The following ASB15 variants were observed in gnomAD, a reference collection of about 807,000 sequenced individuals.
The protein encoded by ASB15 is ankyrin repeat and SOCS box protein 15.
In ASB15, 54 loss-of-function variants were observed where a neutral mutation model predicts 58.0. The ratio of observed to expected loss-of-function variants is 0.93; its 90% CI spans 0.75 to 1.17. ASB15 has a LOEUF of 1.17. Ranked by LOEUF, ASB15 falls within the 50% of genes most tolerant of loss-of-function variation. ASB15 has a pLI of 0.00. For missense variants in ASB15, 680 were observed against 707.4 expected (o/e 0.96, Z 0.44); for synonymous variants, 249 against 262.4 (o/e 0.95, Z 0.50).
At chr7:123,635,184 T>C (rs1802353516) in intron 11 of ASB15, among the ~76,000 whole-genome samples, 1 of 152,332 alleles carries the variant, frequency 6.6e-6, no homozygotes, top group Non-Finnish European at 1.5e-5. Flanking sequence ...CCATTCAGAA[T>C]AGTAGTTATT....
chr7:123,585,545 G>T (rs944598004), intron 1 of ASB15, among the ~76,000 whole-genome samples: 95 of 151,778 alleles, frequency 6.3e-4, no homozygotes, highest in African/African-American at 2.2e-3. Flanking sequence ...ACATAATGCT[G>T]CAATGTGATT....
chr7:123,613,101 T>C (rs1273285367), intron 3 of ASB15, among the ~76,000 whole-genome samples: 3 of 152,026 alleles, frequency 2.0e-5, no homozygotes, highest in Non-Finnish European at 4.4e-5. Context: ...TGAGGTGATA[T>C]TAAGGCCACT....
intron 3 of ASB15, among the ~76,000 whole-genome samples, chr7:123,612,784 T>G (rs528325689): frequency 2.9e-4 from 44 of 152,302 alleles, no homozygotes; most frequent in African/African-American, 1.1e-3. Flanking sequence ...ATTAATTCAT[T>G]AATTCATTTA....
chr7:123,629,465 G>A (rs371037323), intron 10 of ASB15, 31 bp downstream of exon 10: 4 of 1,484,524 alleles, frequency 2.7e-6, no homozygotes. Context: ...TTTATATTGA[G>A]TTATCATCCT....
At chr7:123,567,810 C>T (rs1325067992) in intron 1 of ASB15, among the ~76,000 whole-genome samples, 1 of 151,574 alleles carries the variant, frequency 6.6e-6, no homozygotes, top group Non-Finnish European at 1.5e-5. Context: ...CTCTCTCAAC[C>T]TTGGAAAGAA....
At chr7:123,604,314 G>C (rs1800029505) in intron 2 of ASB15, 102 bp downstream of exon 2, 1 of 152,200 alleles carries the variant, frequency 6.6e-6, no homozygotes, top group South Asian at 2.1e-4. Flanking sequence ...GGGTGCCATA[G>C]CTCATGCCTA....
At chr7:123,633,595 G>A (rs920257612) in intron 11 of ASB15, among the ~76,000 whole-genome samples, 3 of 151,292 alleles carry the variant, frequency 2.0e-5, no homozygotes, top group Non-Finnish European at 2.9e-5. Flanking sequence ...AAGCATCTGT[G>A]TGCATGTGGA....
intron 3 of ASB15, among the ~76,000 whole-genome samples, chr7:123,609,669 G>C (rs1438362804): frequency 1.3e-5 from 2 of 152,168 alleles, no homozygotes; most frequent in African/African-American, 4.8e-5. Context: ...CAATACATGA[G>C]GAAGAAAGTT....
chr7:123,596,960 A>G (rs557934980), upstream of ASB15, among the ~76,000 whole-genome samples: 2 of 152,334 alleles, frequency 1.3e-5, no homozygotes, highest in South Asian at 4.1e-4. Context: ...AGGTACTAAG[A>G]ATAGTGACAA....
intron 2 of ASB15, among the ~76,000 whole-genome samples, chr7:123,606,711 C>T (rs1190824671): frequency 1.3e-5 from 2 of 152,122 alleles, no homozygotes; most frequent in Non-Finnish European, 2.9e-5. Context: ...CAATATTTGT[C>T]TCTCTGTACC....
chr7:123,627,104 T>C lies in ASB15; in HGVS notation c.698-6T>C, dbSNP rs1240096692. On this transcript the variant is annotated splice_region_variant and splice_polypyrimidine_tract_variant and intron_variant, in intron 8 of 11. Coordinates refer to ENST00000451215, the MANE Select transcript of ASB15 (RefSeq NM_001290258.2). The stretch of plus-strand genomic sequence containing the variant: ...GTTATCATTATGCCACGTTTTATAC[T>C]GCCAGGTGGTGATGTGCTTGCTTTG... 2 of 1,610,522 alleles carry C rather than the reference T, an allele frequency of 1.2e-6. No homozygotes were observed. Among genetic ancestry groups the C allele is most frequent in the South Asian group, 2.2e-5 (2 of 90,682 alleles).
chr7:123,636,689 C>A, intron 11 of ASB15, 120 bp from the exon 12 acceptor site: 1 of 792,792 alleles, frequency 1.3e-6, no homozygotes, highest in Non-Finnish European at 2.0e-6. Flanking sequence ...TCACCAGTTG[C>A]TAAAGTGTGC....
At chr7:123,586,820 G>A (rs992867523) in intron 1 of ASB15, among the ~76,000 whole-genome samples, 13 of 151,556 alleles carry the variant, frequency 8.6e-5, no homozygotes, top group African/African-American at 3.1e-4. Flanking sequence ...TTTCCTCATT[G>A]TGTATTTTTT....
intron 10 of ASB15, 95 bp downstream of exon 10, chr7:123,629,529 T>C (rs1374020825): frequency 1.7e-6 from 2 of 1,162,448 alleles, no homozygotes; most frequent in African/African-American, 3.1e-5. Context: ...AAAAATAAAC[T>C]CTAATTTTTC....
intron 11 of ASB15, among the ~76,000 whole-genome samples, chr7:123,631,569 G>T (rs767478317): frequency 3.9e-5 from 6 of 151,972 alleles, no homozygotes; most frequent in Admixed American, 6.6e-5. Flanking sequence ...ACTTAAGCCC[G>T]CATTGAGAGT....
intron 2 of ASB15, among the ~76,000 whole-genome samples, chr7:123,605,923 C>A (rs1329599233): frequency 6.6e-6 from 1 of 152,128 alleles, no homozygotes; most frequent in Non-Finnish European, 1.5e-5. Flanking sequence ...TGATAAAATA[C>A]TCTGTACACC....
Position 123,620,499 on chromosome 7 carries a change from TATAC to T in ASB15, c.451+2770_451+2773del, listed in dbSNP as rs58566290. On this transcript the variant is annotated intron_variant, in intron 7 of 11. Coordinates refer to ENST00000451215, the MANE Select transcript of ASB15 (RefSeq NM_001290258.2). ...GATTCACCACTAGTAATGTGACACATATACATACATATATATATATATATATATA... is the reference window on the plus strand; with the variant it reads ...GATTCACCACTAGTAATGTGACACATATACATATATATATATATATATATA... 7.0e-3 allele frequency among the ~76,000 whole-genome samples: 478 copies of T among 68,746 alleles called. 20 individuals are homozygous for T. Among genetic ancestry groups the T allele is most frequent in the African/African-American group, 0.012 (172 of 14,390 alleles). 45.1% of individuals were successfully genotyped at this position (68,746 alleles called of 152,430 possible). A position where few individuals can be genotyped will look rare whatever the true frequency, so the allele number is the denominator to read the frequency against.
At chr7:123,595,658 G>A (rs1799672754) in intron 1 of ASB15, among the ~76,000 whole-genome samples, 1 of 152,134 alleles carries the variant, frequency 6.6e-6, no homozygotes, top group Non-Finnish European at 1.5e-5. Context: ...CATAATACCT[G>A]GCATTGCAGA....
At chr7:123,604,707 G>T (rs1414673890) in intron 2 of ASB15, among the ~76,000 whole-genome samples, 1 of 152,092 alleles carries the variant, frequency 6.6e-6, no homozygotes, top group Admixed American at 6.6e-5. Context: ...AAATTTACAG[G>T]TGGGGCTACC....
Sources: allele counts gnomAD v4.1 joint callset (sites outside exome capture counted in the v4.1 genomes callset), GRCh38; gene constraint gnomAD v4.1.1; transcripts MANE v1.5; gene names NCBI Gene and HGNC (gene_info 2026-07-23, HGNC 2026-07-21).